Variants in LARP1 observed in about 807,000 individuals in gnomAD.
The protein encoded by LARP1 is La ribonucleoprotein 1, translational regulator, also known as la-related protein 1.
A neutral mutation model predicts 122.7 loss-of-function variants in LARP1; 36 were observed. The observed-to-expected ratio is 0.29, with a 90% CI of 0.22 to 0.39. LARP1 has a LOEUF of 0.39. LARP1 is among the 10% of genes least tolerant of loss of function. The probability of loss-of-function intolerance (pLI) is 1.00; values close to 1 mark genes in which losing one functional copy is unlikely to be tolerated. For synonymous variants in LARP1, 539 were observed against 528.7 expected, an observed-to-expected ratio of 1.02 and a Z score of -0.27; for missense variants, 1,040 against 1,403.6, an observed-to-expected ratio of 0.74 and a Z score of 4.14.
intron 1 of LARP1, among the ~76,000 whole-genome samples, chr5:154,762,046 A>G (rs1561576067): frequency 6.6e-6 from 1 of 152,108 alleles, no homozygotes; most frequent in Non-Finnish European, 1.5e-5. Flanking sequence ...TTTAAGACCA[A>G]TCTGGCCAGC....
intron 1 of LARP1, among the ~76,000 whole-genome samples, chr5:154,746,512 TTGTGA>T: frequency 6.6e-6 from 1 of 152,392 alleles, no homozygotes; most frequent in Non-Finnish European, 1.5e-5. Context: ...TCTGTGTCTC[TTGTGA>T]TGTGGTGTCA....
At position 154,732,091 on chromosome 5, in the gene LARP1, G is replaced by A. The variant is rs193163718; in HGVS notation, c.205+18961G>A. ...TGAGGCAGGAGGATCACCTGAACCC[G>A]GGAGGCGGAGGTTGCAGTGAGCCGA... On this transcript the variant is annotated intron_variant, in intron 1 of 18. Transcript: ENST00000336314. 7.3e-5 allele frequency among the ~76,000 whole-genome samples: 11 copies of A among 151,148 alleles called. No individual in the cohort carries two copies. The East Asian group carries it at 1.8e-3, about 24-fold the overall frequency.
At chr5:154,714,461 G>C (rs958776550) in intron 1 of LARP1, among the ~76,000 whole-genome samples, 1 of 152,200 alleles carries the variant, frequency 6.6e-6, no homozygotes, top group African/African-American at 2.4e-5. Flanking sequence ...CTAACGACTC[G>C]TGGGATGGGA....
chr5:154,751,118 G>GC (rs1753465851), upstream of LARP1, among the ~76,000 whole-genome samples: 1 of 152,056 alleles, frequency 6.6e-6, no homozygotes, highest in Non-Finnish European at 1.5e-5. Flanking sequence ...TCTTCCTGAG[G>GC]CCTAAGTATT....
intron 1 of LARP1, among the ~76,000 whole-genome samples, chr5:154,774,431 A>T (rs1009253727): frequency 6.6e-6 from 1 of 152,052 alleles, no homozygotes; most frequent in African/African-American, 2.4e-5. Context: ...CTTGGTTTGC[A>T]CTCTGGGAGC....
intron 1 of LARP1, among the ~76,000 whole-genome samples, chr5:154,763,677 G>A (rs976302131): frequency 2.0e-5 from 3 of 151,696 alleles, no homozygotes; most frequent in African/African-American, 7.3e-5. Context: ...GACCCCACAT[G>A]TAATGTACTA....
At chr5:154,729,715 CTA>C (rs1413248065) in intron 1 of LARP1, 2 of 260,180 alleles carry the variant, frequency 7.7e-6, no homozygotes, top group African/African-American at 4.6e-5. Flanking sequence ...AAAAATACCT[CTA>C]GACTGTAAAA....
intron 1 of LARP1, among the ~76,000 whole-genome samples, chr5:154,728,201 T>C (rs1756346484): frequency 6.6e-6 from 1 of 152,178 alleles, no homozygotes; most frequent in African/African-American, 2.4e-5. Flanking sequence ...ATTTAGCCCC[T>C]CTGGTGTAGG....
intron 1 of LARP1, among the ~76,000 whole-genome samples, chr5:154,786,170 G>A (rs1490590010): frequency 6.6e-6 from 1 of 152,156 alleles, no homozygotes; most frequent in Non-Finnish European, 1.5e-5. Flanking sequence ...AGCCTCCTGA[G>A]TAGCTGGGAA....
intron 8 of LARP1, among the ~76,000 whole-genome samples, chr5:154,796,795 G>C (rs1392869716): frequency 6.6e-6 from 1 of 152,200 alleles, no homozygotes; most frequent in Admixed American, 6.5e-5. Flanking sequence ...AAGAGGTATA[G>C]TTTGTTCAGG....
At chr5:154,725,242 T>C (rs1385939839) in intron 1 of LARP1, among the ~76,000 whole-genome samples, 2 of 151,496 alleles carry the variant, frequency 1.3e-5, no homozygotes, top group East Asian at 3.9e-4. Context: ...ATACAAAAAT[T>C]AGCCTGGTGT....
intron 1 of LARP1, among the ~76,000 whole-genome samples, chr5:154,769,527 G>A (rs1186194308): frequency 6.6e-6 from 1 of 152,162 alleles, no homozygotes; most frequent in Admixed American, 6.5e-5. Flanking sequence ...GGTGAGGTAG[G>A]GGGAGTGAGT....
intron 1 of LARP1, among the ~76,000 whole-genome samples, chr5:154,701,596 G>A (rs1001000444): frequency 2.0e-5 from 3 of 151,670 alleles, no homozygotes; most frequent in Non-Finnish European, 4.4e-5. Flanking sequence ...TGGGGATATG[G>A]TCCGAACTTT....
intron 1 of LARP1, among the ~76,000 whole-genome samples, chr5:154,748,803 G>A (rs1409824712): frequency 6.6e-6 from 1 of 152,162 alleles, no homozygotes; most frequent in African/African-American, 2.4e-5. Flanking sequence ...TTTTCCTAAA[G>A]TCACAAGATA....
chr5:154,790,880 C>G (rs560417829), intron 3 of LARP1, among the ~76,000 whole-genome samples, 170 bp downstream of exon 3: 4 of 152,210 alleles, frequency 2.6e-5, no homozygotes, highest in Admixed American at 2.6e-4. Context: ...TGCCATGGTA[C>G]AATCTCAGCT....
At chr5:154,772,313 T>G (rs1194898314) in intron 1 of LARP1, among the ~76,000 whole-genome samples, 3 of 152,258 alleles carry the variant, frequency 2.0e-5, no homozygotes, top group African/African-American at 4.8e-5. Context: ...CTTCTTGATT[T>G]GGGCTAGGAA....
intron 1 of LARP1, among the ~76,000 whole-genome samples, chr5:154,717,921 C>CT (rs1755612244): frequency 6.6e-6 from 1 of 151,950 alleles, no homozygotes; most frequent in South Asian, 2.1e-4. Flanking sequence ...CTTTCATTTT[C>CT]TTTTTTCTTT....
At chr5:154,715,292 G>C (rs1198929680) in intron 1 of LARP1, among the ~76,000 whole-genome samples, 6 of 89,628 alleles carry the variant, frequency 6.7e-5, no homozygotes, top group African/African-American at 2.7e-4. Context: ...TTTTGAGTCA[G>C]TTTCACTTAT....
chr5:154,729,472 T>C (rs914567116), intron 1 of LARP1: 5 of 386,650 alleles, frequency 1.3e-5, no homozygotes, highest in African/African-American at 8.5e-5. Context: ...GCAAGATTCT[T>C]GCCAAGAGAA....
Sources: gnomAD v4.1 joint callset for allele counts (sites outside exome capture counted in the v4.1 genomes callset) on GRCh38, gnomAD v4.1.1 for gene constraint, MANE v1.5 for transcripts, NCBI Gene and HGNC (gene_info 2026-07-23, HGNC 2026-07-21) for gene names.